Variants in TTLL5 observed in about 807,000 individuals in gnomAD.
TTLL5 encodes tubulin polyglutamylase TTLL5.
In TTLL5, 132 loss-of-function variants were observed where a neutral mutation model predicts 168.4. The observed-to-expected ratio is 0.78, with a 90% CI of 0.68 to 0.91. The LOEUF (loss-of-function observed/expected upper bound fraction) is 0.91. Among genes scored for constraint, TTLL5 ranks in the 40% least tolerant of loss-of-function variants. The pLI is 0.00. For missense variants in TTLL5, 1,545 were observed against 1,581.5 expected, an observed-to-expected ratio of 0.98 and a Z score of 0.39; for synonymous variants, 546 against 558.6, an observed-to-expected ratio of 0.98 and a Z score of 0.32.
At chr14:75,919,282 A>C (rs1437554839) in intron 31 of TTLL5, among the ~76,000 whole-genome samples, 1 of 151,892 alleles carries the variant, frequency 6.6e-6, no homozygotes, top group Non-Finnish European at 1.5e-5. Flanking sequence ...GATTCTCCAA[A>C]AAGAATAGGA....
intron 26 of TTLL5, among the ~76,000 whole-genome samples, chr14:75,790,824 C>T (rs1238818970): frequency 2.6e-4 from 38 of 147,218 alleles, no homozygotes; most frequent in African/African-American, 7.5e-4. Context: ...GGGCCGGGTG[C>T]GGTGGCTCAC....
chr14:75,707,297 A>G (rs1361713652), intron 8 of TTLL5, among the ~76,000 whole-genome samples: 1 of 152,210 alleles, frequency 6.6e-6, no homozygotes, highest in African/African-American at 2.4e-5. Context: ...TTTATAGGTT[A>G]TATAGTAGTA....
At chr14:75,701,172 C>G (rs577648682) in intron 7 of TTLL5, among the ~76,000 whole-genome samples, 112 of 152,168 alleles carry the variant, frequency 7.4e-4, no homozygotes, top group Non-Finnish European at 1.2e-3. Flanking sequence ...TTCTGATTTG[C>G]TTTATTTTTA....
intron 3 of TTLL5, among the ~76,000 whole-genome samples, chr14:75,674,339 A>C (rs776809010): frequency 2.0e-5 from 3 of 152,284 alleles, no homozygotes; most frequent in African/African-American, 4.8e-5. Flanking sequence ...TCAATCTGCA[A>C]CTTTTCTTTT....
rs1046141691 is a variant in TTLL5, at chr14:75,817,074, G to C, written c.3172-2933G>C. Among the ~76,000 whole-genome samples the C allele has an allele frequency of 1.8e-4, 27 of 148,986 alleles. No homozygotes were observed. The South Asian group carries it at 4.5e-3, about 25-fold the overall frequency. The stretch of plus-strand genomic sequence containing the variant: ...AGCTCACTGCAGCCTCTGACTTCTG[G>C]GTTCAAGCAATTCTCCTGCCTCAGT... On this transcript the variant is annotated intron_variant, in intron 27 of 31. Transcript: ENST00000298832.
At chr14:75,781,315 C>T (rs531942928) in intron 24 of TTLL5, among the ~76,000 whole-genome samples, 14 of 152,164 alleles carry the variant, frequency 9.2e-5, no homozygotes, top group African/African-American at 2.4e-4. Context: ...AGTAGGAAGA[C>T]GTCAATCAAG....
intron 28 of TTLL5, among the ~76,000 whole-genome samples, chr14:75,844,469 T>C (rs568296448): frequency 2.0e-5 from 3 of 152,358 alleles, no homozygotes; most frequent in South Asian, 2.1e-4. Context: ...TTTTAAGTTA[T>C]GATTTTCTGT....
chr14:75,781,600 G>C (rs1481814602), intron 24 of TTLL5, among the ~76,000 whole-genome samples: 1 of 152,120 alleles, frequency 6.6e-6, no homozygotes, highest in African/African-American at 2.4e-5. Flanking sequence ...AGTTATTAAT[G>C]TCAAAATTGA....
At chr14:75,872,198 A>G (rs1330827717) in intron 29 of TTLL5, among the ~76,000 whole-genome samples, 1 of 152,234 alleles carries the variant, frequency 6.6e-6, no homozygotes, top group Non-Finnish European at 1.5e-5. Context: ...TTGCTTACAG[A>G]CAATAATTTT....
chr14:75,721,939 T>A (rs1010212022), intron 12 of TTLL5, among the ~76,000 whole-genome samples: 3 of 152,192 alleles, frequency 2.0e-5, no homozygotes, highest in Non-Finnish European at 4.4e-5. Flanking sequence ...TTGTAATATA[T>A]TTTTTAAAAT....
intron 27 of TTLL5, chr14:75,818,415 A>G (rs1894602419): frequency 5.5e-6 from 2 of 366,910 alleles, no homozygotes; most frequent in Non-Finnish European, 1.0e-5. Context: ...ACAGTTTCAT[A>G]TTGTGATTTT....
chr14:75,885,457 A>G (rs1213414800), intron 30 of TTLL5, among the ~76,000 whole-genome samples: 1 of 152,110 alleles, frequency 6.6e-6, no homozygotes, highest in African/African-American at 2.4e-5. Flanking sequence ...GTACCACTGC[A>G]CTCCAGCCTG....
At chr14:75,938,678 A>G (rs1325937375) in intron 31 of TTLL5, among the ~76,000 whole-genome samples, 4 of 152,148 alleles carry the variant, frequency 2.6e-5, no homozygotes, top group Non-Finnish European at 5.9e-5. Flanking sequence ...AGAGATTGCA[A>G]TTTTCCTAAG....
chr14:75,687,184 C>T (rs1039025110), intron 5 of TTLL5, among the ~76,000 whole-genome samples: 2 of 152,134 alleles, frequency 1.3e-5, no homozygotes, highest in Non-Finnish European at 2.9e-5. Context: ...AAAACATAGA[C>T]AAGATCTTTG....
chr14:75,741,689 A>C (rs527930143), intron 15 of TTLL5, among the ~76,000 whole-genome samples: 2 of 152,052 alleles, frequency 1.3e-5, no homozygotes, highest in South Asian at 4.2e-4. Flanking sequence ...CAGGTCACAG[A>C]ATTAGAGACC....
intron 3 of TTLL5, among the ~76,000 whole-genome samples, chr14:75,681,204 T>C (rs1884585786): frequency 1.3e-5 from 2 of 152,218 alleles, no homozygotes; most frequent in African/African-American, 4.8e-5. Flanking sequence ...TGAGATATAC[T>C]GTAAAATAAT....
intron 9 of TTLL5, among the ~76,000 whole-genome samples, chr14:75,713,461 C>A (rs1229646020): frequency 6.6e-6 from 1 of 152,160 alleles, no homozygotes. Flanking sequence ...TGAAATTGGC[C>A]TATCAATGCA....
intron 26 of TTLL5, among the ~76,000 whole-genome samples, chr14:75,791,245 G>T (rs1217273780): frequency 1.3e-5 from 2 of 152,112 alleles, no homozygotes; most frequent in African/African-American, 2.4e-5. Flanking sequence ...GTATGCAAGG[G>T]TGTTTATGGC....
At chr14:75,738,927 C>T (rs1126189) in intron 15 of TTLL5, among the ~76,000 whole-genome samples, 100,955 of 151,926 alleles carry the variant, frequency 0.66, 35,188 homozygotes, top group Admixed American at 0.77. Flanking sequence ...ACCTTGGCCT[C>T]CTGATTAGCT....
Sources: allele counts gnomAD v4.1 joint callset (sites outside exome capture counted in the v4.1 genomes callset), GRCh38; gene constraint gnomAD v4.1.1; transcripts MANE v1.5; gene names NCBI Gene and HGNC (gene_info 2026-07-23, HGNC 2026-07-21).